The following KCNQ2 variants were observed in gnomAD, a reference collection of about 807,000 sequenced individuals.
KCNQ2 encodes the protein potassium voltage-gated channel subfamily KQT member 2.
KCNQ2 carries 14 observed loss-of-function variants against 84.8 expected under a neutral mutation model. That is an observed-to-expected ratio of 0.17 (90% CI 0.11 to 0.26). The LOEUF is 0.26. Ranked by LOEUF, KCNQ2 falls within the 10% of genes least tolerant of loss-of-function variation. The pLI, the probability that KCNQ2 is intolerant of heterozygous loss-of-function variation, is 1.00. For missense variants in KCNQ2, 788 were observed against 1,254.0 expected (o/e 0.63, Z 5.61); for synonymous variants, 599 against 554.1 (o/e 1.08, Z -1.14).
rs897005406 is a variant in KCNQ2, at chr20:63,402,727, C to A, written c.*3917G>T. On this transcript the variant is annotated 3_prime_UTR_variant, in exon 17 of 17. Transcript: ENST00000359125. ...CTCAAAGGGTGCCCCCTGGAGAAGC[C>A]CTCACAGTGCCTGGGGTGATTTCAG... The A allele has an allele frequency of 7.9e-5, 12 of 152,416 alleles. No individual in the cohort carries two copies. Among genetic ancestry groups the A allele is most frequent in the African/African-American group, 2.2e-4 (9 of 41,572 alleles). 9.4% of individuals were successfully genotyped at this position (152,416 alleles called of 1,614,324 possible). A position where few individuals can be genotyped will look rare whatever the true frequency, so the allele number is the denominator to read the frequency against.
chr20:63,402,196 G>C lies in KCNQ2; in HGVS notation c.*4448C>G. ...CCACGTCTGCTGGGCACCCTCCACAGCAGGTCCAAGCCTCGTGAGCCGTCC... is the reference window on the plus strand; with the variant it reads ...CCACGTCTGCTGGGCACCCTCCACACCAGGTCCAAGCCTCGTGAGCCGTCC... On this transcript the variant is annotated 3_prime_UTR_variant, in exon 17 of 17. Coordinates refer to ENST00000359125, the MANE Select transcript of KCNQ2 (RefSeq NM_172107.4). 1 of 159,952 alleles carries C rather than the reference G, an allele frequency of 6.3e-6. No individual in the cohort carries two copies. The highest frequency in any genetic ancestry group is 1.2e-4 in the South Asian group (1 of 8,376). The allele number at this position is 159,952 out of a possible 1,614,324, so 9.9% of individuals were successfully genotyped here. A position where few individuals can be genotyped will look rare whatever the true frequency, so the allele number is the denominator to read the frequency against.
intron 10 of KCNQ2, among the ~76,000 whole-genome samples, chr20:63,426,249 T>C (rs150705742): frequency 6.6e-6 from 1 of 152,330 alleles, no homozygotes; most frequent in East Asian, 1.9e-4. Context: ...GCAACGCCGT[T>C]AGACAAGAGG....
chr20:63,454,806 A>G (rs2081729045), intron 1 of KCNQ2, among the ~76,000 whole-genome samples: 1 of 152,232 alleles, frequency 6.6e-6, no homozygotes, highest in Non-Finnish European at 1.5e-5. Context: ...ACACTGGGAC[A>G]CACTCCCTGC....
rs773367711 is a variant in KCNQ2, at chr20:63,407,413, G to A, written c.1888-38C>T. ...CTGCTGGGCTGGGGTGCGAGGGCCCGTCCCAGGAGATGTGGGGACCCAGGC... is the reference window on the plus strand; with the variant it reads ...CTGCTGGGCTGGGGTGCGAGGGCCCATCCCAGGAGATGTGGGGACCCAGGC... On this transcript the variant is annotated intron_variant, in intron 16 of 16. Coordinates refer to ENST00000359125, the MANE Select transcript of KCNQ2 (RefSeq NM_172107.4). This position sits in a 1 kb window ranked among gnomAD's most constrained non-coding sequence, Gnocchi z 7.2. 1.4e-5 allele frequency: 23 copies of A among 1,594,296 alleles called. No individual in the cohort carries two copies. Among genetic ancestry groups the A allele is most frequent in the South Asian group, 4.4e-5 (4 of 90,640 alleles).
Position 63,428,361 on chromosome 20 carries a change from G to A in KCNQ2, c.1217+6C>T. 6.4e-7 allele frequency: 1 copy of A among 1,562,004 alleles called. No homozygotes were observed. The highest frequency in any genetic ancestry group is 8.7e-7 in the Non-Finnish European group (1 of 1,152,332). On this transcript the variant is annotated splice_donor_region_variant and intron_variant, in intron 10 of 16. Transcript: ENST00000359125. ...CACCCGCCCCACCTGGAGCTCCCCA[G>A]CTGACCTGAAAGCGAGTCCAGATTT... is the stretch of plus-strand genomic sequence containing the variant.
intron 7 of KCNQ2, chr20:63,437,414 A>G (rs1242597258): frequency 6.6e-6 from 1 of 152,268 alleles, no homozygotes. Context: ...CTGGAAATAA[A>G]TAGCTGTTTG....
intron 8 of KCNQ2, chr20:63,433,594 G>T: frequency 2.3e-6 from 2 of 857,332 alleles, no homozygotes; most frequent in Non-Finnish European, 3.6e-6. Context: ...AAAGCAAAGG[G>T]GTGAGGAAAT....
intron 1 of KCNQ2, among the ~76,000 whole-genome samples, chr20:63,470,426 T>C (rs912141106): frequency 6.6e-6 from 1 of 152,150 alleles, no homozygotes; most frequent in African/African-American, 2.4e-5. Context: ...ACCCCACATG[T>C]GCAAGTGTCC....
At chr20:63,451,521 T>C (rs1022555900) in intron 1 of KCNQ2, among the ~76,000 whole-genome samples, 3 of 152,056 alleles carry the variant, frequency 2.0e-5, no homozygotes, top group African/African-American at 7.3e-5. Context: ...TGAAACAGCA[T>C]CAATAAAAGC....
rs1277953855 is a variant in KCNQ2, at chr20:63,444,785, C to T, written c.564G>A (p.Gln188=). ...GCGCAGATGTGGCAAAGACGTTGCC[C>T]TGGGAGCCGGCGGCCAGCACCGCAA... ...ASIAVLAAGS[Q]GNVFATSALR... Residue 188 remains glutamine, a synonymous_variant, in exon 4 of 17, where the codon CAG becomes CAA. Transcript: ENST00000359125. 1.2e-6 allele frequency: 2 copies of T among 1,608,224 alleles called. No homozygotes were observed. The highest frequency in any genetic ancestry group is 1.1e-5 in the South Asian group (1 of 89,954).
chr20:63,407,022 G>A lies in KCNQ2; in HGVS notation c.2241C>T (p.Ala747=). The change falls in exon 17 of 17, where the codon GCC becomes GCT. Residue 747 remains alanine, a synonymous_variant. Coordinates refer to ENST00000359125, the MANE Select transcript of KCNQ2 (RefSeq NM_172107.4). The surrounding 1 kb of genome is among the most constrained non-coding windows in gnomAD (Gnocchi z 7.2). ...GSLVRIPPPP[A]HERSLSAYGG... ...CGTAGGCGGACAGCGACCGCTCGTG[G>A]GCAGGCGGCGGCGGGATGCGCACCA... 3 of 1,523,522 alleles carry A rather than the reference G, an allele frequency of 2.0e-6. No individual in the cohort carries two copies. The highest frequency in any genetic ancestry group is 2.6e-6 in the Non-Finnish European group (3 of 1,138,464). 94.4% of individuals were successfully genotyped at this position (1,523,522 alleles called of 1,614,324 possible). A position where few individuals can be genotyped will look rare whatever the true frequency, so the allele number is the denominator to read the frequency against.
intron 1 of KCNQ2, among the ~76,000 whole-genome samples, chr20:63,461,968 A>G (rs1468589461): frequency 8.4e-6 from 1 of 119,056 alleles, no homozygotes; most frequent in Non-Finnish European, 1.7e-5. Flanking sequence ...CCCAGGCAGC[A>G]GGGAGGAGGC....
intron 15 of KCNQ2, chr20:63,411,876 A>T (rs1240943160): frequency 1.4e-6 from 1 of 713,530 alleles, no homozygotes; most frequent in South Asian, 1.5e-5. Flanking sequence ...CCACAATCAT[A>T]TCTATCCTGG....
chr20:63,466,271 A>C (rs1202577270), intron 1 of KCNQ2, among the ~76,000 whole-genome samples: 3 of 151,042 alleles, frequency 2.0e-5, no homozygotes, highest in African/African-American at 7.3e-5. Flanking sequence ...CCCGCGCTTC[A>C]ACCCACGACC....
At chr20:63,442,555 T>C (rs1329459458) in intron 4 of KCNQ2, 24 bp from the exon 5 acceptor site, 1 of 1,609,622 alleles carries the variant, frequency 6.2e-7, no homozygotes, top group African/African-American at 1.4e-5. Context: ...GGCACCACCA[T>C]CATGACCACC....
chr20:63,417,345 G>A (rs765767507), intron 12 of KCNQ2, among the ~76,000 whole-genome samples: 2 of 152,200 alleles, frequency 1.3e-5, no homozygotes, highest in African/African-American at 4.8e-5. Flanking sequence ...TCCTGACCCC[G>A]CTCAGGCAGG....
rs757187432 is a variant in KCNQ2, at chr20:63,407,035, G to A, written c.2228C>T (p.Pro743Leu). 5.9e-6 allele frequency: 9 copies of A among 1,518,952 alleles called. No homozygotes were observed. The highest frequency in any genetic ancestry group is 1.4e-5 in the African/African-American group (1 of 72,766). 94.1% of individuals were successfully genotyped at this position (1,518,952 alleles called of 1,614,324 possible). ...CGACCGCTCGTGGGCAGGCGGCGGC[G>A]GGATGCGCACCAGGGAGCCGTGGTC... ...VGDHGSLVRI[P>L]PPPAHERSLS... Residue 743 changes from proline (P) to leucine (L), a missense_variant, in exon 17 of 17, where the codon CCG (proline) becomes CTG (leucine). By Grantham distance (98) the Pro-to-Leu change is moderately conservative. Around this residue, in one of 8 missense-constraint regions of KCNQ2, gnomAD observed 378 missense variants for 434.5 expected, o/e 0.87. Coordinates refer to ENST00000359125, the MANE Select transcript of KCNQ2 (RefSeq NM_172107.4). The surrounding 1 kb of genome is among the most constrained non-coding windows in gnomAD (Gnocchi z 7.2).
chr20:63,462,774 C>T (rs2081988195), intron 1 of KCNQ2, among the ~76,000 whole-genome samples: 1 of 152,154 alleles, frequency 6.6e-6, no homozygotes, highest in Non-Finnish European at 1.5e-5. Context: ...CACTGCAAAC[C>T]GGTCAGAGAA....
chr20:63,433,386 C>T, intron 8 of KCNQ2: 1 of 317,550 alleles, frequency 3.1e-6, no homozygotes, highest in Non-Finnish European at 5.8e-6. Flanking sequence ...ACGCCGGAGC[C>T]CTAGGTCCTT....
Sources: gnomAD v4.1 joint callset for allele counts (sites outside exome capture counted in the v4.1 genomes callset) on GRCh38, gnomAD v4.1.1 for gene constraint, gnomAD v4.1.1 regional missense constraint, Gnocchi (gnomAD v3.1) non-coding constraint, MANE v1.5 for transcripts, NCBI Gene and HGNC (gene_info 2026-07-23, HGNC 2026-07-21) for gene names.